The following SLCO1B3 variants were observed in gnomAD, a reference collection of about 807,000 sequenced individuals.
SLCO1B3 encodes solute carrier organic anion transporter family member 1B3.
Under a neutral mutation model 71.8 loss-of-function variants are expected in SLCO1B3, and 72 were observed. The ratio of observed to expected loss-of-function variants is 1.00; its 90% CI spans 0.83 to 1.22. SLCO1B3 has a LOEUF of 1.22. Among genes scored for constraint, SLCO1B3 ranks in the 50% most tolerant of loss-of-function variants. The pLI is 0.00. For missense variants in SLCO1B3, 911 were observed against 819.7 expected (o/e 1.11, Z -1.36); for synonymous variants, 298 against 278.4 (o/e 1.07, Z -0.70).
intron 3 of SLCO1B3, among the ~76,000 whole-genome samples, chr12:20,825,515 G>T (rs764433013): frequency 6.6e-6 from 1 of 152,066 alleles, no homozygotes; most frequent in Non-Finnish European, 1.5e-5. Flanking sequence ...AACAGAATAG[G>T]CTGGCCACGG....
intron 2 of SLCO1B3, among the ~76,000 whole-genome samples, chr12:20,814,060 A>G (rs1864150423): frequency 6.6e-6 from 1 of 152,164 alleles, no homozygotes; most frequent in South Asian, 2.1e-4. Flanking sequence ...TCTACATAGC[A>G]TGTATCCACA....
chr12:20,827,712 C>CAGGCA, intron 3 of SLCO1B3, among the ~76,000 whole-genome samples: 1 of 152,210 alleles, frequency 6.6e-6, no homozygotes, highest in East Asian at 1.9e-4. Context: ...GCTGGGACTG[C>CAGGCA]AGGCACATGC....
At chr12:20,851,571 T>A (rs1468572360) in intron 3 of SLCO1B3, among the ~76,000 whole-genome samples, 2 of 152,186 alleles carry the variant, frequency 1.3e-5, no homozygotes, top group Non-Finnish European at 2.9e-5. Flanking sequence ...GGGTATTAGC[T>A]CCTTATTAAA....
intron 3 of SLCO1B3, among the ~76,000 whole-genome samples, chr12:20,821,575 G>C (rs1864307571): frequency 6.6e-6 from 1 of 152,090 alleles, no homozygotes; most frequent in Non-Finnish European, 1.5e-5. Context: ...TAAGGGATTG[G>C]GGGTTCTTGC....
chr12:20,826,667 A>G (rs920099868), intron 3 of SLCO1B3, among the ~76,000 whole-genome samples: 8 of 130,732 alleles, frequency 6.1e-5, no homozygotes, highest in African/African-American at 2.1e-4. Flanking sequence ...TTTCTTAAAT[A>G]ACCAGTCATT....
intron 3 of SLCO1B3, among the ~76,000 whole-genome samples, chr12:20,835,971 T>G (rs1046881540): frequency 6.6e-6 from 1 of 152,188 alleles, no homozygotes; most frequent in African/African-American, 2.4e-5. Context: ...GGACTCACAA[T>G]TTCAAATGGC....
At chr12:20,906,288 T>A (rs879504615) in intron 15 of SLCO1B3, among the ~76,000 whole-genome samples, 8 of 152,158 alleles carry the variant, frequency 5.3e-5, no homozygotes, top group Non-Finnish European at 1.2e-4. Flanking sequence ...CGTGATCTTG[T>A]AGAAAAAGCA....
At chr12:20,879,806 ATTCC>A (rs1407012400) in intron 11 of SLCO1B3, among the ~76,000 whole-genome samples, 175 bp downstream of exon 11, 1 of 152,120 alleles carries the variant, frequency 6.6e-6, no homozygotes, top group African/African-American at 2.4e-5. Flanking sequence ...AATTTGTTTT[ATTCC>A]TTCCTTAAGG....
Position 20,848,275 on chromosome 12 carries a change from A to G in SLCO1B3, c.85-6753A>G, listed in dbSNP as rs545949223. Among the ~76,000 whole-genome samples the G allele has an allele frequency of 1.4e-4, 21 of 152,344 alleles. 1 individual carries two copies. Among genetic ancestry groups the G allele is most frequent in the African/African-American group, 4.6e-4 (19 of 41,584 alleles). Reference sequence around the variant, plus strand: ...TGTCAATAGTGAATTGCCAATTCAAACAATGAGCTTTCATTACATACTTAT... The same window carrying G: ...TGTCAATAGTGAATTGCCAATTCAAGCAATGAGCTTTCATTACATACTTAT... On this transcript the variant is annotated intron_variant, in intron 3 of 15. Transcript: ENST00000381545.
chr12:20,901,149 T>C (rs1866123657), intron 14 of SLCO1B3, among the ~76,000 whole-genome samples: 1 of 152,198 alleles, frequency 6.6e-6, no homozygotes, highest in Non-Finnish European at 1.5e-5. Context: ...GTAGATCAAA[T>C]ACATCTGTGA....
chr12:20,896,675 C>G (rs1866012321), intron 13 of SLCO1B3, among the ~76,000 whole-genome samples: 1 of 152,162 alleles, frequency 6.6e-6, no homozygotes, highest in Non-Finnish European at 1.5e-5. Flanking sequence ...CCAAACTGTT[C>G]CAACCTCTGC....
chr12:20,828,434 C>T (rs1472656853), intron 3 of SLCO1B3, among the ~76,000 whole-genome samples: 2 of 151,934 alleles, frequency 1.3e-5, no homozygotes, highest in African/African-American at 4.8e-5. Context: ...GGGAGGAAAC[C>T]TGTATTTTCT....
At chr12:20,845,147 A>G in intron 3 of SLCO1B3, 1 of 457,606 alleles carries the variant, frequency 2.2e-6, no homozygotes, top group South Asian at 1.7e-5. Flanking sequence ...TATGTCATTG[A>G]GCTCACCGGG....
At chr12:20,819,770 G>T (rs1005565170) in intron 3 of SLCO1B3, among the ~76,000 whole-genome samples, 1 of 152,144 alleles carries the variant, frequency 6.6e-6, no homozygotes, top group Non-Finnish European at 1.5e-5. Context: ...ACTGAGCGGG[G>T]TAAGGGTGAT....
At chr12:20,840,001 T>C (rs1470616350) in intron 3 of SLCO1B3, among the ~76,000 whole-genome samples, 1 of 152,206 alleles carries the variant, frequency 6.6e-6, no homozygotes, top group Non-Finnish European at 1.5e-5. Context: ...CTAGCATTTG[T>C]TTTTGGTTCT....
At chr12:20,811,350 T>G (rs1213589980) in intron 1 of SLCO1B3, among the ~76,000 whole-genome samples, 1 of 152,154 alleles carries the variant, frequency 6.6e-6, no homozygotes, top group African/African-American at 2.4e-5. Flanking sequence ...TTGGAAAGAA[T>G]TAACAGCTCA....
At position 20,877,947 on chromosome 12, in the gene SLCO1B3, T is replaced by A; in HGVS notation, c.1135+11T>A. 1 of 1,566,270 alleles carries A rather than the reference T, an allele frequency of 6.4e-7. No homozygotes were observed. Among genetic ancestry groups the A allele is most frequent in the South Asian group, 1.2e-5 (1 of 83,554 alleles). On this transcript the variant is annotated intron_variant, in intron 10 of 15. Coordinates refer to ENST00000381545, the MANE Select transcript of SLCO1B3 (RefSeq NM_019844.4). Reference sequence around the variant, plus strand: ...CTAACTTTTTGTTGGGTAAGACATATTTTTTACCTGTTTGCTTGATAAATG... The same window carrying A: ...CTAACTTTTTGTTGGGTAAGACATAATTTTTACCTGTTTGCTTGATAAATG...
intron 3 of SLCO1B3, among the ~76,000 whole-genome samples, chr12:20,836,159 C>G (rs1864675800): frequency 6.6e-6 from 1 of 152,130 alleles, no homozygotes; most frequent in South Asian, 2.1e-4. Context: ...AAAGTTAGCT[C>G]CCACTGGGTC....
chr12:20,877,325 G>C (rs1468616361), intron 9 of SLCO1B3, among the ~76,000 whole-genome samples: 2 of 151,990 alleles, frequency 1.3e-5, no homozygotes, highest in East Asian at 3.9e-4. Context: ...AAAATACTAA[G>C]TACCTATAGT....
Sources: allele counts gnomAD v4.1 joint callset (sites outside exome capture counted in the v4.1 genomes callset), GRCh38; gene constraint gnomAD v4.1.1; transcripts MANE v1.5; gene names NCBI Gene and HGNC (gene_info 2026-07-23, HGNC 2026-07-21).